KCNJ6: variants seen among roughly 807,000 people sequenced by gnomAD.
The protein encoded by KCNJ6 is potassium inwardly rectifying channel subfamily J member 6.
KCNJ6 carries 9 observed loss-of-function variants against 34.2 expected under a neutral mutation model. The ratio of observed to expected loss-of-function variants is 0.26; its 90% CI spans 0.16 to 0.46. The LOEUF (loss-of-function observed/expected upper bound fraction) is 0.46, where lower values mean the gene tolerates loss of function less well. Among genes scored for constraint, KCNJ6 ranks in the 20% least tolerant of loss-of-function variants. The pLI is 1.00. For missense variants in KCNJ6, 236 were observed against 531.3 expected, an observed-to-expected ratio of 0.44 and a Z score of 5.46; for synonymous variants, 196 against 207.1, an observed-to-expected ratio of 0.95 and a Z score of 0.46.
intron 2 of KCNJ6, among the ~76,000 whole-genome samples, chr21:37,829,786 C>CA (rs1360862281): frequency 6.6e-6 from 1 of 152,236 alleles, no homozygotes. Flanking sequence ...AGGCTTTGCC[C>CA]ACGCAGGGGT....
At chr21:37,688,120 TTTC>T (rs146792521) in intron 3 of KCNJ6, among the ~76,000 whole-genome samples, 22,815 of 152,062 alleles carry the variant, frequency 0.15, 1,958 homozygotes, top group East Asian at 0.39. Context: ...CAGACAGGTG[TTTC>T]TTCTTCTTTA....
chr21:37,872,344 C>G (rs1010271290), intron 1 of KCNJ6, among the ~76,000 whole-genome samples: 19 of 152,132 alleles, frequency 1.2e-4, no homozygotes, highest in Non-Finnish European at 1.9e-4. Context: ...AATATGTGGG[C>G]AAACCTAAGC....
intron 2 of KCNJ6, among the ~76,000 whole-genome samples, chr21:37,822,937 T>A (rs556980912): frequency 3.3e-5 from 5 of 152,248 alleles, no homozygotes; most frequent in African/African-American, 1.2e-4. Context: ...CATCGAAACA[T>A]CACTTTGAAC....
intron 2 of KCNJ6, among the ~76,000 whole-genome samples, chr21:37,838,394 C>T (rs769085024): frequency 6.6e-6 from 1 of 152,152 alleles, no homozygotes; most frequent in Non-Finnish European, 1.5e-5. Context: ...ATTCACTGAA[C>T]CAGAGTATCC....
chr21:37,721,286 C>A (rs901566591), intron 2 of KCNJ6, among the ~76,000 whole-genome samples: 1 of 152,134 alleles, frequency 6.6e-6, no homozygotes, highest in Non-Finnish European at 1.5e-5. Flanking sequence ...CAAGTGTTGG[C>A]AGGATGTAGA....
At chr21:37,794,623 A>G (rs1352976301) in intron 2 of KCNJ6, among the ~76,000 whole-genome samples, 1 of 152,234 alleles carries the variant, frequency 6.6e-6, no homozygotes, top group Admixed American at 6.5e-5. Context: ...AAACTAACAC[A>G]GGAACAGAGA....
chr21:37,797,536 C>T (rs1241795654), intron 2 of KCNJ6, among the ~76,000 whole-genome samples: 1 of 152,172 alleles, frequency 6.6e-6, no homozygotes, highest in Non-Finnish European at 1.5e-5. Flanking sequence ...AGAATTATAA[C>T]ACCAATGAAA....
chr21:37,807,394 C>T (rs912693534), intron 2 of KCNJ6, among the ~76,000 whole-genome samples: 1 of 152,160 alleles, frequency 6.6e-6, no homozygotes, highest in African/African-American at 2.4e-5. Flanking sequence ...ATGTAAAAGT[C>T]ACGTATTTCC....
intron 1 of KCNJ6, among the ~76,000 whole-genome samples, chr21:37,908,130 T>G (rs2055850422): frequency 1.3e-5 from 2 of 152,374 alleles, no homozygotes; most frequent in South Asian, 4.1e-4. Flanking sequence ...GGCTGTGATA[T>G]CTGAGTTAGG....
At chr21:37,783,263 T>C (rs2055178099) in intron 2 of KCNJ6, among the ~76,000 whole-genome samples, 1 of 152,198 alleles carries the variant, frequency 6.6e-6, no homozygotes, top group Non-Finnish European at 1.5e-5. Context: ...CTGTGTGGTT[T>C]GGCTGTGTCC....
rs1166431802 is a variant in KCNJ6 at position 37,615,366 on chromosome 21, TCTC to T, written c.*9790_*9792del. The T allele has an allele frequency of 6.6e-6, 1 of 151,504 alleles. No homozygotes were observed. Among genetic ancestry groups the T allele is most frequent in the Non-Finnish European group, 1.5e-5 (1 of 68,172 alleles). The allele number at this position is 151,504 out of a possible 1,614,324, so 9.4% of individuals were successfully genotyped here. On this transcript the variant is annotated 3_prime_UTR_variant, in exon 4 of 4. Coordinates refer to ENST00000609713, the MANE Select transcript of KCNJ6 (RefSeq NM_002240.5). Reference sequence around the variant, plus strand: ...GCTCCGCTTCCCGGGTTCACGCCATTCTCCTGCCTCAGCCTCCCGAGTACCCAG... The same window carrying T: ...GCTCCGCTTCCCGGGTTCACGCCATTCTGCCTCAGCCTCCCGAGTACCCAG...
intron 2 of KCNJ6, among the ~76,000 whole-genome samples, chr21:37,747,613 CT>C (rs1279722489): frequency 6.6e-6 from 1 of 151,998 alleles, no homozygotes; most frequent in African/African-American, 2.4e-5. Context: ...CACAAGAGTC[CT>C]TTTAAGTGGG....
intron 2 of KCNJ6, among the ~76,000 whole-genome samples, chr21:37,736,537 A>G (rs1300329923): frequency 6.6e-6 from 1 of 152,208 alleles, no homozygotes; most frequent in Admixed American, 6.5e-5. Flanking sequence ...GTAAAACTCT[A>G]GAAGTCCAAC....
chr21:37,788,725 G>A (rs2835960), intron 2 of KCNJ6, among the ~76,000 whole-genome samples: 63,777 of 152,048 alleles, frequency 0.42, 15,619 homozygotes, highest in Non-Finnish European at 0.52. Flanking sequence ...GAGAGACCAC[G>A]TGGAGCAGAG....
intron 3 of KCNJ6, among the ~76,000 whole-genome samples, chr21:37,709,848 T>A (rs1327858783): frequency 1.1e-4 from 17 of 152,242 alleles, no homozygotes; most frequent in Non-Finnish European, 2.9e-5. Flanking sequence ...ACTGAGCTTT[T>A]CTGTGGTGAA....
At chr21:37,872,104 G>A (rs867448637) in intron 1 of KCNJ6, among the ~76,000 whole-genome samples, 60 of 152,090 alleles carry the variant, frequency 3.9e-4, no homozygotes, top group Admixed American at 1.6e-3. Flanking sequence ...TATGGGGCAC[G>A]GATGTCCTAA....
At chr21:37,822,344 G>A (rs1283644076) in intron 2 of KCNJ6, among the ~76,000 whole-genome samples, 1 of 152,126 alleles carries the variant, frequency 6.6e-6, no homozygotes, top group Non-Finnish European at 1.5e-5. Context: ...CTCGTGGATG[G>A]GGAAGGTGGG....
At chr21:37,740,501 A>C (rs1319980097) in intron 2 of KCNJ6, among the ~76,000 whole-genome samples, 1 of 152,158 alleles carries the variant, frequency 6.6e-6, no homozygotes, top group African/African-American at 2.4e-5. Flanking sequence ...TGGAACTAAC[A>C]ACCCCCCTCC....
intron 2 of KCNJ6, among the ~76,000 whole-genome samples, chr21:37,791,364 T>C (rs1317545616): frequency 6.6e-6 from 1 of 152,230 alleles, no homozygotes; most frequent in African/African-American, 2.4e-5. Flanking sequence ...ACTTTCATCA[T>C]CTGACTATCC....
Sources: allele counts gnomAD v4.1 joint callset (sites outside exome capture counted in the v4.1 genomes callset), GRCh38; gene constraint gnomAD v4.1.1; transcripts MANE v1.5; gene names NCBI Gene and HGNC (gene_info 2026-07-23, HGNC 2026-07-21).